TOMM40L: variants seen among roughly 807,000 people sequenced by gnomAD.
The protein encoded by TOMM40L is translocase of outer mitochondrial membrane 40 like.
A neutral mutation model predicts 38.3 loss-of-function variants in TOMM40L; 17 were observed. That is an observed-to-expected ratio of 0.44 (90% CI 0.30 to 0.67). The LOEUF (loss-of-function observed/expected upper bound fraction) is 0.67. Ranked by LOEUF, TOMM40L falls within the 30% of genes least tolerant of loss-of-function variation. The probability of loss-of-function intolerance (pLI) is 0.08; values close to 1 mark genes in which losing one functional copy is unlikely to be tolerated. For missense variants in TOMM40L, 294 were observed against 390.0 expected (o/e 0.75, Z 2.07); for synonymous variants, 151 against 150.2 (o/e 1.01, Z -0.04).
chr1:161,229,885 C>T lies in TOMM40L; in HGVS notation c.*790C>T, dbSNP rs376397342. ...GTACCCGTAGGCCTCATTAATGCTCCGGAGCTCAGCCAGCAGGCCTAGCAA... is the reference window on the plus strand; with the variant it reads ...GTACCCGTAGGCCTCATTAATGCTCTGGAGCTCAGCCAGCAGGCCTAGCAA... On this transcript the variant is annotated 3_prime_UTR_variant, in exon 10 of 10. Transcript: ENST00000367988. 5.5e-5 allele frequency: 88 copies of T among 1,614,030 alleles called. No homozygotes were observed. The highest frequency in any genetic ancestry group is 6.8e-5 in the Non-Finnish European group (80 of 1,180,038).
intron 1 of TOMM40L, 90 bp downstream of exon 1, chr1:161,226,226 G>C (rs1475264037): frequency 2.3e-6 from 1 of 432,222 alleles, no homozygotes; most frequent in African/African-American, 2.0e-5. Flanking sequence ...TCTGTGGTGG[G>C]GGCTAGGATC....
rs946649432 is a variant in TOMM40L at position 161,227,063 on chromosome 1, G to A, written c.183+108G>A. ...CCTAGCCAGTCTATGTGGGACAAAT[G>A]AGGGAGGATGTGGGGTTCTCTTTAC... On this transcript the variant is annotated intron_variant, in intron 3 of 9. Coordinates refer to ENST00000367988, the MANE Select transcript of TOMM40L (RefSeq NM_032174.6). 14 of 1,400,988 alleles carry A rather than the reference G, an allele frequency of 1.0e-5. No individual in the cohort carries two copies. In the Admixed American group the frequency reaches 1.3e-4, roughly 13 times the overall value. 86.8% of individuals were successfully genotyped at this position (1,400,988 alleles called of 1,614,324 possible). A position where few individuals can be genotyped will look rare whatever the true frequency, so the allele number is the denominator to read the frequency against.
Position 161,227,328 on chromosome 1 carries a change from A to G in TOMM40L, c.254A>G (p.Asp85Gly), listed in dbSNP as rs1222827679. The change falls in exon 4 of 10, where the codon GAT becomes GGT. Residue 85 changes from aspartate to glycine, a missense_variant. Transcript: ENST00000367988. ...GYHLHAAYAG[D>G]WQLSPTEVFP... ...CACCTCCATGCGGCCTATGCAGGGG[A>G]TTGGCAGCTCAGTCCCACTGAGGTG... is the stretch of plus-strand genomic sequence containing the variant. 2.5e-6 allele frequency: 4 copies of G among 1,613,828 alleles called. No homozygotes were observed. The East Asian group carries it at 8.9e-5, about 36-fold the overall frequency.
intron 7 of TOMM40L, 33 bp downstream of exon 7, chr1:161,228,341 G>A (rs1307634275): frequency 6.2e-6 from 10 of 1,608,920 alleles, no homozygotes; most frequent in Non-Finnish European, 8.5e-6. Flanking sequence ...GGTGGTGGTG[G>A]GGGGCAATTC....
rs1334222453 is a variant in TOMM40L, at chr1:161,230,168, G to A, written c.*1073G>A. ...TTCTGAACCCAGAGCTCTGAGAGCC[G>A]AGTGTGAAGAAAGCTCCAGACTTGG... On this transcript the variant is annotated 3_prime_UTR_variant, in exon 10 of 10. Transcript: ENST00000367988. 5 of 500,618 alleles carry A rather than the reference G, an allele frequency of 1.0e-5. No individual in the cohort carries two copies. Among genetic ancestry groups the A allele is most frequent in the South Asian group, 6.8e-5 (3 of 44,048 alleles). 31.0% of individuals were successfully genotyped at this position (500,618 alleles called of 1,614,324 possible).
At chr1:161,227,785 C>G in intron 5 of TOMM40L, 48 bp downstream of exon 5, 1 of 1,605,624 alleles carries the variant, frequency 6.2e-7, no homozygotes, top group South Asian at 1.1e-5. Flanking sequence ...CCTCTTTCTC[C>G]TCCACGGGTT....
In TOMM40L at chr1:161,228,181, C is replaced by G. The variant is rs368013374; in HGVS notation, c.485-5C>G. The G allele has an allele frequency of 6.3e-7, 1 of 1,580,582 alleles. No individual in the cohort carries two copies. The highest frequency in any genetic ancestry group is 8.6e-7 in the Non-Finnish European group (1 of 1,161,580). ...CTGACTCCATGTCTCCCCATTCCCC[C>G]ACAGTGATCATGGTTGCTCACTTCC... On this transcript the variant is annotated splice_region_variant and splice_polypyrimidine_tract_variant and intron_variant, in intron 6 of 9. Transcript: ENST00000367988.
chr1:161,226,667 C>T, intron 2 of TOMM40L, 63 bp downstream of exon 2: 2 of 1,518,520 alleles, frequency 1.3e-6, no homozygotes, highest in East Asian at 2.3e-5. Context: ...GTCTTGAATG[C>T]CGGATGTCCG....
Position 161,228,415 on chromosome 1 carries a change from T to G in TOMM40L, c.608-13T>G. 1.9e-6 allele frequency: 3 copies of G among 1,613,980 alleles called. 1 individual carries two copies. The South Asian group carries it at 3.3e-5, about 18-fold the overall frequency. ...GTTAACACTCCTTCCCCTCTGTACT[T>G]TGGATTTTACAGCTGTACACTGGGT... On this transcript the variant is annotated splice_polypyrimidine_tract_variant and intron_variant, in intron 7 of 9. Transcript: ENST00000367988.
intron 1 of TOMM40L, 108 bp from the exon 2 acceptor site, chr1:161,226,247 A>C: frequency 2.1e-6 from 1 of 487,060 alleles, no homozygotes; most frequent in Non-Finnish European, 3.7e-6. Flanking sequence ...AGAGAAAGGG[A>C]GAGAGGACAA....
rs765895692 is a variant in TOMM40L, at chr1:161,230,680, G to C, written c.*1585G>C. On this transcript the variant is annotated 3_prime_UTR_variant, in exon 10 of 10. Transcript: ENST00000367988. ...CGATGTGAGACAGGGATGGCCAGGG[G>C]GAAGGACTAGACCCCACGATACCTG... 4.8e-5 allele frequency: 56 copies of C among 1,160,616 alleles called. No individual in the cohort carries two copies. Among genetic ancestry groups the C allele is most frequent in the Non-Finnish European group, 6.6e-5 (54 of 815,782 alleles). The allele number at this position is 1,160,616 out of a possible 1,614,324, so 71.9% of individuals were successfully genotyped here.
chr1:161,228,340 G>C (rs776008781), intron 7 of TOMM40L, 32 bp downstream of exon 7: 2 of 1,608,510 alleles, frequency 1.2e-6, no homozygotes, highest in Middle Eastern at 1.7e-4. Flanking sequence ...TGGTGGTGGT[G>C]GGGGGCAATT....
rs1311473849 is a variant in TOMM40L, at chr1:161,228,708, T to G, written c.685-7T>G. The G allele has an allele frequency of 6.2e-7, 1 of 1,614,144 alleles. No homozygotes were observed. Among genetic ancestry groups the G allele is most frequent in the African/African-American group, 1.3e-5 (1 of 75,028 alleles). ...ATCTCTCTCTCATCCTTGCCCATGG[T>G]TCTCAGGTTCAGGTTGGAGTGGAGT... On this transcript the variant is annotated splice_region_variant and splice_polypyrimidine_tract_variant and intron_variant, in intron 8 of 9. Transcript: ENST00000367988.
At chr1:161,226,161 G>T (rs1252466256) in intron 1 of TOMM40L, 25 bp downstream of exon 1, 11 of 263,520 alleles carry the variant, frequency 4.2e-5, no homozygotes, top group Non-Finnish European at 5.9e-5. Context: ...ACCATTGCGG[G>T]CCTGGTCTTG....
At chr1:161,228,564 C>T (rs1666544707) in intron 8 of TOMM40L, 60 bp downstream of exon 8, 11 of 1,590,958 alleles carry the variant, frequency 6.9e-6, no homozygotes, top group Non-Finnish European at 9.5e-6. Context: ...TTCTGTTCAT[C>T]TGGACCTCTA....
intron 2 of TOMM40L, 48 bp from the exon 3 acceptor site, chr1:161,226,840 G>C (rs1356763755): frequency 1.3e-6 from 2 of 1,599,218 alleles, no homozygotes; most frequent in Middle Eastern, 1.7e-4. Context: ...TTTTGGGGTA[G>C]GGGTTCTTTG....
chr1:161,228,512 C>T lies in TOMM40L; in HGVS notation c.684+8C>T. ...CACAGGGCAAATGAACAGGTGAGAC[C>T]TCTGATCTCATTCCCTCCTTGTCAG... On this transcript the variant is annotated splice_region_variant and intron_variant, in intron 8 of 9. Transcript: ENST00000367988. 6.2e-7 allele frequency: 1 copy of T among 1,613,982 alleles called. No homozygotes were observed. Among genetic ancestry groups the T allele is most frequent in the Non-Finnish European group, 8.5e-7 (1 of 1,179,894 alleles).
chr1:161,226,382 C>T lies in TOMM40L; in HGVS notation c.-108C>T. The stretch of plus-strand genomic sequence containing the variant: ...GTAGCGTCGGACCATGTGGAAGTTT[C>T]TGAGGCTGGGGAGCCGGATAATGGG... On this transcript the variant is annotated 5_prime_UTR_variant, in exon 2 of 10. Transcript: ENST00000367988. 1 of 969,790 alleles carries T rather than the reference C, an allele frequency of 1.0e-6. No individual in the cohort carries two copies. The highest frequency in any genetic ancestry group is 1.6e-5 in the South Asian group (1 of 61,440). The allele number at this position is 969,790 out of a possible 1,614,324, so 60.1% of individuals were successfully genotyped here.
In TOMM40L at chr1:161,227,961, A is replaced by G; in HGVS notation, c.456A>G (p.Leu152=). ...RGDDYTATLT[L]GNPDLIGESV... is the part of the protein sequence containing the mutation. Reference sequence around the variant, plus strand: ...ATGACTACACAGCCACTCTGACCCTAGGAAATCCTGACCTGATTGGGGAGT... The same window carrying G: ...ATGACTACACAGCCACTCTGACCCTGGGAAATCCTGACCTGATTGGGGAGT... Residue 152 remains leucine, a synonymous_variant, in exon 6 of 10, where the codon CTA becomes CTG. Coordinates refer to ENST00000367988, the MANE Select transcript of TOMM40L (RefSeq NM_032174.6). The G allele has an allele frequency of 6.2e-7, 1 of 1,614,122 alleles. No individual in the cohort carries two copies. Among genetic ancestry groups the G allele is most frequent in the Non-Finnish European group, 8.5e-7 (1 of 1,179,992 alleles).
Sources: allele counts gnomAD v4.1 joint callset, GRCh38; gene constraint gnomAD v4.1.1; transcripts MANE v1.5; gene names NCBI Gene and HGNC (gene_info 2026-07-23, HGNC 2026-07-21).